NFKB1: variants seen among roughly 807,000 people sequenced by gnomAD.
The protein encoded by NFKB1 is nuclear factor kappa B subunit 1, also known as nuclear factor NF-kappa-B p105 subunit.
Under a neutral mutation model 105.1 loss-of-function variants are expected in NFKB1, and 9 were observed. That is an observed-to-expected ratio of 0.09 (90% CI 0.05 to 0.15). NFKB1 has a LOEUF of 0.15. Among genes scored for constraint, NFKB1 ranks in the 10% least tolerant of loss-of-function variants. NFKB1 has a pLI of 1.00. For missense variants in NFKB1, 830 were observed against 1,203.7 expected (o/e 0.69, Z 4.59); for synonymous variants, 440 against 442.2 (o/e 1.00, Z 0.06).
At chr4:102,612,010 G>A in intron 20 of NFKB1, 34 bp from the exon 21 acceptor site, 1 of 1,574,042 alleles carries the variant, frequency 6.4e-7, no homozygotes, top group Non-Finnish European at 8.7e-7. Flanking sequence ...TCCCTTCGAT[G>A]TATAACGATT....
intron 6 of NFKB1, among the ~76,000 whole-genome samples, chr4:102,570,211 T>A (rs1178639681): frequency 3.3e-5 from 5 of 152,064 alleles, no homozygotes; most frequent in Admixed American, 2.0e-4. Context: ...AATATCAAAA[T>A]ACAGAGGAGA....
At chr4:102,546,620 G>A (rs950169786) in intron 5 of NFKB1, among the ~76,000 whole-genome samples, 3 of 152,138 alleles carry the variant, frequency 2.0e-5, no homozygotes, top group African/African-American at 7.2e-5. Context: ...GTGGACTTTG[G>A]GGCCACAGCT....
chr4:102,528,316 A>G (rs560464949), intron 2 of NFKB1, among the ~76,000 whole-genome samples: 3 of 152,220 alleles, frequency 2.0e-5, no homozygotes, highest in Non-Finnish European at 4.4e-5. Context: ...TCATTCCTGT[A>G]TTTCCTTTTC....
intron 1 of NFKB1, 173 bp downstream of exon 1, chr4:102,501,961 G>GACAGCGGGGAAAGAC (rs1739061527): frequency 6.6e-6 from 1 of 152,372 alleles, no homozygotes; most frequent in Non-Finnish European, 1.5e-5. Context: ...TGGGATTAGC[G>GACAGCGGGGAAAGAC]ACAGCGGGGA....
chr4:102,604,578 TG>T (rs907719251), intron 16 of NFKB1, among the ~76,000 whole-genome samples: 7 of 152,146 alleles, frequency 4.6e-5, no homozygotes, highest in Middle Eastern at 3.4e-3. Flanking sequence ...ACTGTATTTC[TG>T]CCTTCACTGC....
Position 102,617,036 on chromosome 4 carries a change from G to A in NFKB1, c.*442G>A, listed in dbSNP as rs932103044. 1.4e-5 allele frequency: 2 copies of A among 138,804 alleles called. No homozygotes were observed. Among genetic ancestry groups the A allele is most frequent in the Non-Finnish European group, 3.0e-5 (2 of 66,124 alleles). 8.6% of individuals were successfully genotyped at this position (138,804 alleles called of 1,614,324 possible). A position where few individuals can be genotyped will look rare whatever the true frequency, so the allele number is the denominator to read the frequency against. On this transcript the variant is annotated 3_prime_UTR_variant, in exon 24 of 24. Coordinates refer to ENST00000226574, the MANE Select transcript of NFKB1 (RefSeq NM_003998.4). ...AGATATTTTAAAATGAGAGTCACTT[G>A]ATGTGCCATTTTAAAAAAAAAGGCA...
At position 102,511,258 on chromosome 4, in the gene NFKB1, A is replaced by G. The variant is rs374183548; in HGVS notation, c.-8+9470A>G. On this transcript the variant is annotated intron_variant, in intron 1 of 23. Transcript: ENST00000226574. ...GGTTTTATTTCTTTAACAGTGATTT[A>G]TTTGAATATATGTTGAGTCCTTTCT... Among the ~76,000 whole-genome samples the G allele has an allele frequency of 2.3e-4, 35 of 152,330 alleles. No homozygotes were observed. The Middle Eastern group carries it at 0.014, about 59-fold the overall frequency.
intron 10 of NFKB1, among the ~76,000 whole-genome samples, chr4:102,583,333 T>G (rs532076889): frequency 6.6e-6 from 1 of 152,144 alleles, no homozygotes; most frequent in Non-Finnish European, 1.5e-5. Flanking sequence ...AGCTTCCATC[T>G]ATAAAAAAGA....
intron 5 of NFKB1, among the ~76,000 whole-genome samples, chr4:102,543,145 C>T (rs982720642): frequency 5.9e-5 from 9 of 152,100 alleles, no homozygotes; most frequent in Non-Finnish European, 1.2e-4. Context: ...AGGCTCACTT[C>T]CCTATTTTTC....
intron 3 of NFKB1, among the ~76,000 whole-genome samples, chr4:102,533,563 G>T (rs190131804): frequency 6.6e-6 from 1 of 152,246 alleles, no homozygotes; most frequent in Non-Finnish European, 1.5e-5. Context: ...AATTCTTGCC[G>T]GCCATATGCC....
intron 1 of NFKB1, among the ~76,000 whole-genome samples, chr4:102,521,241 G>A (rs1740555362): frequency 6.6e-6 from 1 of 152,136 alleles, no homozygotes; most frequent in Admixed American, 6.5e-5. Flanking sequence ...ACTCTCATTT[G>A]AGTGTTTCAC....
intron 1 of NFKB1, among the ~76,000 whole-genome samples, chr4:102,504,966 T>G (rs530000042): frequency 5.3e-5 from 8 of 152,212 alleles, no homozygotes; most frequent in Non-Finnish European, 8.8e-5. Flanking sequence ...CTTTTATCTT[T>G]GTAGTATTTC....
chr4:102,617,236 T>A lies in NFKB1; in HGVS notation c.*642T>A, dbSNP rs532493791. 6.5e-6 allele frequency: 1 copy of A among 152,714 alleles called. No homozygotes were observed. The highest frequency in any genetic ancestry group is 1.9e-4 in the East Asian group (1 of 5,198). The allele number at this position is 152,714 out of a possible 1,614,324, so 9.5% of individuals were successfully genotyped here. On this transcript the variant is annotated 3_prime_UTR_variant, in exon 24 of 24. Transcript: ENST00000226574. ...ATCAAATACTTTAAAGGAAAAAATG[T>A]TGGATTTATAAATGCTATTTTTTAT...
intron 8 of NFKB1, 69 bp downstream of exon 8, chr4:102,579,108 G>A: frequency 6.7e-7 from 1 of 1,501,702 alleles, no homozygotes; most frequent in Admixed American, 1.8e-5. Flanking sequence ...CCATTTACTT[G>A]CTAGCTGAGT....
chr4:102,546,105 A>G (rs1431621207), intron 5 of NFKB1, among the ~76,000 whole-genome samples: 1 of 152,140 alleles, frequency 6.6e-6, no homozygotes, highest in Non-Finnish European at 1.5e-5. Flanking sequence ...AAAATTTTTT[A>G]AAGAAAAAAA....
chr4:102,543,519 C>T (rs1253957074), intron 5 of NFKB1, among the ~76,000 whole-genome samples: 2 of 151,604 alleles, frequency 1.3e-5, no homozygotes, highest in Non-Finnish European at 2.9e-5. Flanking sequence ...TGTTGTCTTT[C>T]CTGAGTGTTT....
chr4:102,602,830 A>G (rs758116988), intron 16 of NFKB1, among the ~76,000 whole-genome samples: 8 of 152,094 alleles, frequency 5.3e-5, no homozygotes, highest in Non-Finnish European at 1.0e-4. Flanking sequence ...TCTTCTTGAA[A>G]CTTTCATACC....
At chr4:102,561,001 G>A (rs192930827) in intron 5 of NFKB1, among the ~76,000 whole-genome samples, 2 of 152,248 alleles carry the variant, frequency 1.3e-5, no homozygotes, top group East Asian at 3.9e-4. Flanking sequence ...AGCTAGGAGG[G>A]GGAAAAGCTG....
chr4:102,541,311 G>C (rs539850574), intron 5 of NFKB1, among the ~76,000 whole-genome samples: 1 of 127,426 alleles, frequency 7.8e-6, no homozygotes. Flanking sequence ...AAGTTGTCTC[G>C]CATAGATTAC....
Sources: gnomAD v4.1 joint callset for allele counts (sites outside exome capture counted in the v4.1 genomes callset) on GRCh38, gnomAD v4.1.1 for gene constraint, MANE v1.5 for transcripts, NCBI Gene and HGNC (gene_info 2026-07-23, HGNC 2026-07-21) for gene names.